The following ROBO1 variants were observed in gnomAD, a reference collection of about 807,000 sequenced individuals.
ROBO1 encodes roundabout homolog 1.
A neutral mutation model predicts 195.9 loss-of-function variants in ROBO1; 149 were observed. The observed-to-expected ratio is 0.76, with a 90% CI of 0.67 to 0.87. ROBO1 has a LOEUF of 0.87. Ranked by LOEUF, ROBO1 falls within the 40% of genes least tolerant of loss-of-function variation. The pLI, the probability that ROBO1 is intolerant of heterozygous loss-of-function variation, is 0.00. For synonymous variants in ROBO1, 816 were observed against 733.2 expected, an observed-to-expected ratio of 1.11 and a Z score of -1.82; for missense variants, 1,933 against 2,068.3, an observed-to-expected ratio of 0.93 and a Z score of 1.27.
chr3:79,436,969 T>G (rs2038909607), intron 2 of ROBO1, among the ~76,000 whole-genome samples: 1 of 152,074 alleles, frequency 6.6e-6, no homozygotes. Context: ...ATCAGGCAAA[T>G]CTCTGAATTT....
chr3:79,318,087 A>T (rs945149455), intron 2 of ROBO1, among the ~76,000 whole-genome samples: 1 of 152,214 alleles, frequency 6.6e-6, no homozygotes, highest in Non-Finnish European at 1.5e-5. Flanking sequence ...ACGGGCAGTC[A>T]GTCTTTTGCT....
intron 1 of ROBO1, among the ~76,000 whole-genome samples, chr3:79,763,492 C>T (rs780457322): frequency 7.9e-5 from 12 of 152,056 alleles, no homozygotes; most frequent in Non-Finnish European, 1.5e-4. Context: ...GGAACATGAA[C>T]CACCCTAGAC....
chr3:79,749,905 G>T (rs1347141889), intron 1 of ROBO1, among the ~76,000 whole-genome samples: 1 of 152,194 alleles, frequency 6.6e-6, no homozygotes, highest in South Asian at 2.1e-4. Flanking sequence ...AGTCCCTACT[G>T]GTGCACCACC....
chr3:79,590,948 C>G (rs1337386552), intron 1 of ROBO1, among the ~76,000 whole-genome samples: 1 of 151,372 alleles, frequency 6.6e-6, no homozygotes, highest in African/African-American at 2.4e-5. Flanking sequence ...TGATGGGGAA[C>G]TTAAAAAATA....
chr3:78,727,573 C>T (rs531223816), intron 5 of ROBO1, among the ~76,000 whole-genome samples: 2 of 152,156 alleles, frequency 1.3e-5, no homozygotes, highest in South Asian at 2.1e-4. Context: ...TGCAGTGAGC[C>T]GAGATCGAAC....
rs570974233 is a variant in ROBO1, at chr3:79,651,164, T to C, written c.-50-61203A>G. Among the ~76,000 whole-genome samples the C allele has an allele frequency of 8.2e-4, 125 of 152,142 alleles. 2 individuals are homozygous for C. Among genetic ancestry groups the C allele is most frequent in the African/African-American group, 2.8e-3 (118 of 41,538 alleles). On this transcript the variant is annotated intron_variant, in intron 1 of 30. Transcript: ENST00000464233. The stretch of plus-strand genomic sequence containing the variant: ...AATACAAATATACATAATGTAAATA[T>C]GGTATGGCCTATCCCATCCAAATTT...
At chr3:78,940,149 A>C (rs2107694815) in intron 3 of ROBO1, among the ~76,000 whole-genome samples, 1 of 152,272 alleles carries the variant, frequency 6.6e-6, no homozygotes, top group Non-Finnish European at 1.5e-5. Flanking sequence ...AGGTCAATGA[A>C]TAAGGCAAAT....
At chr3:79,158,916 A>G (rs2080905763) in intron 2 of ROBO1, among the ~76,000 whole-genome samples, 1 of 151,986 alleles carries the variant, frequency 6.6e-6, no homozygotes, top group Non-Finnish European at 1.5e-5. Context: ...ACAAATTTAT[A>G]CATTCCTATA....
At chr3:79,213,627 T>C (rs1361375761) in intron 2 of ROBO1, among the ~76,000 whole-genome samples, 1 of 152,158 alleles carries the variant, frequency 6.6e-6, no homozygotes, top group Non-Finnish European at 1.5e-5. Context: ...ATTTTTCTGA[T>C]GCCTTCAGAA....
intron 2 of ROBO1, among the ~76,000 whole-genome samples, chr3:79,140,069 T>C (rs934181193): frequency 1.3e-5 from 2 of 152,164 alleles, no homozygotes; most frequent in Non-Finnish European, 2.9e-5. Context: ...TTTGTAGATG[T>C]AGCTACCTGG....
intron 1 of ROBO1, among the ~76,000 whole-genome samples, chr3:79,732,606 T>C (rs1198473833): frequency 6.6e-6 from 1 of 152,172 alleles, no homozygotes; most frequent in Admixed American, 6.5e-5. Context: ...CCCTTGCCGC[T>C]CTATGAAAAT....
chr3:79,335,367 ACCCAAAATCT>A (rs2034622980), intron 2 of ROBO1, among the ~76,000 whole-genome samples: 1 of 152,084 alleles, frequency 6.6e-6, no homozygotes, highest in African/African-American at 2.4e-5. Flanking sequence ...CTGTGTCCCC[ACCCAAAATCT>A]CATCTTGAAG....
chr3:78,879,588 G>A (rs1014435873), intron 4 of ROBO1, among the ~76,000 whole-genome samples: 4 of 151,058 alleles, frequency 2.6e-5, no homozygotes, highest in East Asian at 1.9e-4. Flanking sequence ...GATTAGAACC[G>A]CAGACGCTTT....
chr3:79,267,739 C>T (rs1004251758), intron 2 of ROBO1, among the ~76,000 whole-genome samples: 3 of 151,382 alleles, frequency 2.0e-5, no homozygotes, highest in Admixed American at 6.6e-5. Context: ...TGTCATTGAT[C>T]TGTTTTGTTG....
chr3:79,021,086 T>A (rs1354761175), intron 3 of ROBO1, among the ~76,000 whole-genome samples: 1 of 152,082 alleles, frequency 6.6e-6, no homozygotes, highest in Non-Finnish European at 1.5e-5. Context: ...TCTTTGAAAG[T>A]GAAAGATAGT....
chr3:79,754,538 G>A (rs1342748180), intron 1 of ROBO1, among the ~76,000 whole-genome samples: 1 of 152,178 alleles, frequency 6.6e-6, no homozygotes, highest in Non-Finnish European at 1.5e-5. Flanking sequence ...ATGAGAAGAA[G>A]ATCCTGCGAA....
At chr3:78,711,444 C>CTTTCTTTCTTTCTTTCT (rs1559774147) in intron 8 of ROBO1, among the ~76,000 whole-genome samples, 23 of 61,724 alleles carry the variant, frequency 3.7e-4, no homozygotes, top group South Asian at 1.3e-3. Context: ...TCTTTCTTTC[C>CTTTCTTTCTTTCTTTCT]TTCCTTCCTT....
At chr3:79,651,666 G>T (rs1946012698) in intron 1 of ROBO1, among the ~76,000 whole-genome samples, 2 of 152,098 alleles carry the variant, frequency 1.3e-5, no homozygotes, top group African/African-American at 4.8e-5. Flanking sequence ...CTTCCCTCCA[G>T]ATTAGGTCTA....
intron 2 of ROBO1, among the ~76,000 whole-genome samples, chr3:79,342,472 C>T (rs993154956): frequency 7.9e-5 from 12 of 152,090 alleles, no homozygotes; most frequent in African/African-American, 2.9e-4. Flanking sequence ...AGAATTACTT[C>T]GAGTGCTTGT....
Sources: allele counts gnomAD v4.1 joint callset (sites outside exome capture counted in the v4.1 genomes callset), GRCh38; gene constraint gnomAD v4.1.1; transcripts MANE v1.5; gene names NCBI Gene and HGNC (gene_info 2026-07-23, HGNC 2026-07-21).